Variants in ARHGAP42 observed in about 807,000 individuals in gnomAD.
The protein encoded by ARHGAP42 is Rho GTPase activating protein 42.
In ARHGAP42, 63 loss-of-function variants were observed where a neutral mutation model predicts 125.0. The observed-to-expected ratio is 0.50, with a 90% CI of 0.41 to 0.62. The LOEUF (loss-of-function observed/expected upper bound fraction) is 0.62. Among genes scored for constraint, ARHGAP42 ranks in the 20% least tolerant of loss-of-function variants. The pLI is 0.00. For missense variants in ARHGAP42, 766 were observed against 1,024.2 expected, an observed-to-expected ratio of 0.75 and a Z score of 3.44; for synonymous variants, 339 against 351.0, an observed-to-expected ratio of 0.97 and a Z score of 0.38.
intron 1 of ARHGAP42, among the ~76,000 whole-genome samples, chr11:100,741,966 A>AT: frequency 6.6e-6 from 1 of 152,300 alleles, no homozygotes; most frequent in African/African-American, 2.4e-5. Context: ...GGCTTTTTCA[A>AT]TAAAAAAAAC....
At chr11:100,971,762 T>A (rs1354345517) in intron 17 of ARHGAP42, among the ~76,000 whole-genome samples, 1 of 152,158 alleles carries the variant, frequency 6.6e-6, no homozygotes, top group African/African-American at 2.4e-5. Flanking sequence ...TATCTTGAGA[T>A]CATATACAAT....
intron 3 of ARHGAP42, among the ~76,000 whole-genome samples, chr11:100,837,798 C>T (rs1306180462): frequency 1.3e-5 from 2 of 148,316 alleles, no homozygotes; most frequent in Non-Finnish European, 3.0e-5. Flanking sequence ...CATAATGCAG[C>T]CAAGGGTCAG....
In ARHGAP42 at chr11:100,992,309, A is replaced by G. The variant is rs866087029; in HGVS notation, c.*3508A>G. On this transcript the variant is annotated 3_prime_UTR_variant, in exon 24 of 24. Coordinates refer to ENST00000298815, the MANE Select transcript of ARHGAP42 (RefSeq NM_152432.4). ...ACATTTGTAACTCACAGCTGTTAGC[A>G]TGACCTCACATCACTGCGTAGGACC... is the stretch of plus-strand genomic sequence containing the variant. 4.4e-6 allele frequency: 7 copies of G among 1,584,658 alleles called. No homozygotes were observed. Among genetic ancestry groups the G allele is most frequent in the Non-Finnish European group, 6.0e-6 (7 of 1,168,468 alleles).
At chr11:100,877,321 G>A (rs1158095192) in intron 4 of ARHGAP42, among the ~76,000 whole-genome samples, 4 of 152,266 alleles carry the variant, frequency 2.6e-5, no homozygotes, top group Admixed American at 2.6e-4. Flanking sequence ...ACCTTACTTA[G>A]CCTCTGGGGA....
chr11:100,781,106 A>G lies in ARHGAP42; in HGVS notation c.250+10668A>G, dbSNP rs149185190. Among the ~76,000 whole-genome samples the G allele has an allele frequency of 2.0e-5, 3 of 152,128 alleles. No homozygotes were observed. The East Asian group carries it at 5.8e-4, about 29-fold the overall frequency. On this transcript the variant is annotated intron_variant, in intron 2 of 23. Transcript: ENST00000298815. ...AGTTTCTCTAACTTATGTTAAATAT[A>G]CTGTAATATAAATTAATCAGCTTTA...
In ARHGAP42 at chr11:100,859,615, G is replaced by A. The variant is rs1200085770; in HGVS notation, c.374G>A (p.Gly125Asp). The change falls in exon 4 of 24, where the codon GGT (glycine) becomes GAT (aspartate). Residue 125 changes from glycine (G) to aspartate (D), a missense_variant. Gly to Asp is a moderately conservative substitution (Grantham distance 94). Coordinates refer to ENST00000298815, the MANE Select transcript of ARHGAP42 (RefSeq NM_152432.4). Reference sequence around the variant, plus strand: ...GAGAAATTTCGAAAAGAACAGATAGGTGCAGCAAAAGTAAGTGTTACATTT... The same window carrying A: ...GAGAAATTTCGAAAAGAACAGATAGATGCAGCAAAAGTAAGTGTTACATTT... ...PLEKFRKEQI[G>D]AAKDGKKKFD... 1.0e-5 allele frequency: 15 copies of A among 1,498,860 alleles called. No individual in the cohort carries two copies. The African/African-American group carries it at 1.7e-4, about 17-fold the overall frequency. 92.8% of individuals were successfully genotyped at this position (1,498,860 alleles called of 1,614,324 possible).
chr11:100,727,781 G>A (rs781180267), intron 1 of ARHGAP42, among the ~76,000 whole-genome samples: 10 of 152,110 alleles, frequency 6.6e-5, no homozygotes, highest in African/African-American at 2.2e-4. Flanking sequence ...GTAATAAATC[G>A]ACAGTAGTAC....
intron 3 of ARHGAP42, among the ~76,000 whole-genome samples, chr11:100,797,022 C>G (rs1209513896): frequency 6.6e-6 from 1 of 152,174 alleles, no homozygotes; most frequent in Non-Finnish European, 1.5e-5. Context: ...CTGCCTTGGC[C>G]TCCCAAAATG....
intron 1 of ARHGAP42, among the ~76,000 whole-genome samples, chr11:100,756,327 A>T (rs935144513): frequency 4.6e-5 from 7 of 151,732 alleles, no homozygotes; most frequent in Admixed American, 3.9e-4. Flanking sequence ...GAGCCCAGGC[A>T]GTTGAAGCTG....
In ARHGAP42 at chr11:100,950,021, G is replaced by T. The variant is rs1868133682; in HGVS notation, c.1162+65G>T. The stretch of plus-strand genomic sequence containing the variant: ...GTTATTTTTAACACAAAAGCATTAG[G>T]TGATTGTAAGTATTCTGGGGAAATA... On this transcript the variant is annotated intron_variant, in intron 12 of 23. Coordinates refer to ENST00000298815, the MANE Select transcript of ARHGAP42 (RefSeq NM_152432.4). 5.1e-6 allele frequency: 5 copies of T among 971,996 alleles called. No individual in the cohort carries two copies. The East Asian group carries it at 1.1e-4, about 22-fold the overall frequency. The allele number at this position is 971,996 out of a possible 1,614,324, so 60.2% of individuals were successfully genotyped here.
intron 1 of ARHGAP42, among the ~76,000 whole-genome samples, chr11:100,722,408 T>C (rs78035077): frequency 6.6e-6 from 1 of 151,538 alleles, no homozygotes; most frequent in Non-Finnish European, 1.5e-5. Flanking sequence ...TTTTTTTTTT[T>C]TTGAGACAGA....
At position 100,837,663 on chromosome 11, in the gene ARHGAP42, ATCCTTT is replaced by A. The variant is rs1215073567; in HGVS notation, c.313-21889_313-21884del. Among the ~76,000 whole-genome samples the A allele has an allele frequency of 4.5e-3, 159 of 35,396 alleles. 1 individual carries two copies. The highest frequency in any genetic ancestry group is 8.7e-3 in the Admixed American group (21 of 2,402). 23.2% of individuals were successfully genotyped at this position (35,396 alleles called of 152,430 possible). A position where few individuals can be genotyped will look rare whatever the true frequency, so the allele number is the denominator to read the frequency against. ...AGGCAGTTCCCAGAATCTAGGTGTC[ATCCTTT>A]TTTTTTTTTTTTTTTTTTTTTTTTT... On this transcript the variant is annotated intron_variant, in intron 3 of 23. Coordinates refer to ENST00000298815, the MANE Select transcript of ARHGAP42 (RefSeq NM_152432.4).
chr11:100,980,820 C>T (rs1289886457), intron 22 of ARHGAP42, among the ~76,000 whole-genome samples: 3 of 152,150 alleles, frequency 2.0e-5, no homozygotes, highest in East Asian at 1.9e-4. Context: ...ATCCACCCGC[C>T]TCAGCCTCCC....
chr11:100,718,573 G>A (rs144278943), intron 1 of ARHGAP42, among the ~76,000 whole-genome samples: 23 of 152,084 alleles, frequency 1.5e-4, no homozygotes, highest in Non-Finnish European at 2.9e-4. Context: ...AACACACCAC[G>A]AATAGAAAAA....
At chr11:100,882,377 T>A (rs754614933) in intron 4 of ARHGAP42, among the ~76,000 whole-genome samples, 4 of 152,222 alleles carry the variant, frequency 2.6e-5, no homozygotes, top group Non-Finnish European at 5.9e-5. Flanking sequence ...TTAATTCTTT[T>A]TATGTGGTGT....
intron 4 of ARHGAP42, among the ~76,000 whole-genome samples, chr11:100,893,948 T>G (rs1247894695): frequency 6.6e-6 from 1 of 152,178 alleles, no homozygotes; most frequent in Non-Finnish European, 1.5e-5. Context: ...TAAGTAATTC[T>G]TGAGAAATAA....
At chr11:100,793,694 T>G (rs1863630958) in intron 2 of ARHGAP42, among the ~76,000 whole-genome samples, 1 of 152,202 alleles carries the variant, frequency 6.6e-6, no homozygotes, top group South Asian at 2.1e-4. Flanking sequence ...GTTGTTGGCT[T>G]TATGCCAGAA....
chr11:100,821,462 G>T (rs1252805272), intron 3 of ARHGAP42, among the ~76,000 whole-genome samples: 1 of 151,972 alleles, frequency 6.6e-6, no homozygotes, highest in African/African-American at 2.4e-5. Context: ...AGCCTGAGGA[G>T]CCTGATATTG....
At chr11:100,800,012 A>G (rs1251773772) in intron 3 of ARHGAP42, among the ~76,000 whole-genome samples, 1 of 152,156 alleles carries the variant, frequency 6.6e-6, no homozygotes. Context: ...TTCAAAAGAG[A>G]AGTAAGGGGA....
Sources: gnomAD v4.1 joint callset for allele counts (sites outside exome capture counted in the v4.1 genomes callset) on GRCh38, gnomAD v4.1.1 for gene constraint, MANE v1.5 for transcripts, NCBI Gene and HGNC (gene_info 2026-07-23, HGNC 2026-07-21) for gene names.